CDH6: variants seen among roughly 807,000 people sequenced by gnomAD.
The protein encoded by CDH6 is cadherin-6.
Under a neutral mutation model 78.0 loss-of-function variants are expected in CDH6, and 31 were observed. The ratio of observed to expected loss-of-function variants is 0.40; its 90% CI spans 0.30 to 0.54. The LOEUF is 0.54. Ranked by LOEUF, CDH6 falls within the 20% of genes least tolerant of loss-of-function variation. The pLI is 0.56. For missense variants in CDH6, 724 were observed against 975.9 expected (o/e 0.74, Z 3.44); for synonymous variants, 376 against 368.8 (o/e 1.02, Z -0.23).
intron 1 of CDH6, among the ~76,000 whole-genome samples, chr5:31,229,950 T>C (rs1401287611): frequency 6.6e-6 from 1 of 152,206 alleles, no homozygotes; most frequent in African/African-American, 2.4e-5. Flanking sequence ...TAGTGTCATC[T>C]GTTTCATAAT....
At chr5:31,311,677 G>A (rs925432379) in intron 7 of CDH6, among the ~76,000 whole-genome samples, 1 of 152,178 alleles carries the variant, frequency 6.6e-6, no homozygotes, top group Non-Finnish European at 1.5e-5. Context: ...GTGGCTAGGA[G>A]GCTGCAGAAA....
At chr5:31,235,562 C>G (rs1675603594) in intron 1 of CDH6, among the ~76,000 whole-genome samples, 1 of 152,174 alleles carries the variant, frequency 6.6e-6, no homozygotes, top group Non-Finnish European at 1.5e-5. Flanking sequence ...CAGCTACTGA[C>G]CACGTGGCAG....
chr5:31,245,226 A>G (rs998014158), intron 1 of CDH6, among the ~76,000 whole-genome samples: 2 of 152,236 alleles, frequency 1.3e-5, no homozygotes, highest in African/African-American at 4.8e-5. Flanking sequence ...CAACTAAGGA[A>G]GGCCTAAAAT....
At chr5:31,255,288 T>G (rs1398101213) in intron 1 of CDH6, among the ~76,000 whole-genome samples, 1 of 152,244 alleles carries the variant, frequency 6.6e-6, no homozygotes, top group African/African-American at 2.4e-5. Flanking sequence ...GACGGTGCCG[T>G]CGTTAAATTA....
intron 2 of CDH6, 126 bp downstream of exon 2, chr5:31,267,827 C>T: frequency 1.8e-6 from 1 of 543,424 alleles, no homozygotes; most frequent in South Asian, 2.6e-5. Flanking sequence ...ACTGGTAAGA[C>T]TTTTTTTTTT....
chr5:31,199,523 C>G (rs371110006), intron 1 of CDH6, among the ~76,000 whole-genome samples: 1 of 78,102 alleles, frequency 1.3e-5, no homozygotes, highest in Non-Finnish European at 3.0e-5. Flanking sequence ...TGTACACACA[C>G]ATATGTGTAT....
intron 2 of CDH6, among the ~76,000 whole-genome samples, chr5:31,268,949 C>G (rs1260252423): frequency 6.6e-6 from 1 of 152,166 alleles, no homozygotes; most frequent in African/African-American, 2.4e-5. Context: ...AACGTCAACA[C>G]AGATCCCCAA....
chr5:31,246,882 G>A (rs1741763516), intron 1 of CDH6, among the ~76,000 whole-genome samples: 1 of 152,100 alleles, frequency 6.6e-6, no homozygotes, highest in South Asian at 2.1e-4. Context: ...AGCCTACCAG[G>A]TAGCTTACTG....
chr5:31,204,152 T>C (rs1362277782), intron 1 of CDH6, among the ~76,000 whole-genome samples: 1 of 152,264 alleles, frequency 6.6e-6, no homozygotes, highest in South Asian at 2.1e-4. Context: ...TTTTGTCTGA[T>C]ACTTTTTTTC....
chr5:31,287,822 T>A (rs1743049792), intron 2 of CDH6, among the ~76,000 whole-genome samples: 1 of 152,238 alleles, frequency 6.6e-6, no homozygotes, highest in South Asian at 2.1e-4. Context: ...TCCCAGGTAA[T>A]GCCAATGTGG....
At position 31,317,741 on chromosome 5, in the gene CDH6, C is replaced by G; in HGVS notation, c.1699C>G (p.Pro567Ala). ...NRHEMSTYLL[P>A]VVISDNDYPV... is the part of the protein sequence containing the mutation. ...ACACGAGATGAGCACCTATCTCTTGCCTGTGGTCATTTCAGACAACGACTA... is the reference window on the plus strand; with the variant it reads ...ACACGAGATGAGCACCTATCTCTTGGCTGTGGTCATTTCAGACAACGACTA... The change falls in exon 11 of 12, where the codon CCT (proline) becomes GCT (alanine). Residue 567 changes from proline to alanine, a missense_variant. Physicochemically the swap from Pro to Ala is conservative, Grantham distance 27. Around this residue, in one of 3 missense-constraint regions of CDH6, gnomAD observed 446 missense variants for 684.5 expected, o/e 0.65. Transcript: ENST00000265071. 1 of 1,614,166 alleles carries G rather than the reference C, an allele frequency of 6.2e-7. No homozygotes were observed. Among genetic ancestry groups the G allele is most frequent in the Non-Finnish European group, 8.5e-7 (1 of 1,180,010 alleles).
At chr5:31,293,232 T>C (rs1220667762) in intron 2 of CDH6, among the ~76,000 whole-genome samples, 1 of 152,090 alleles carries the variant, frequency 6.6e-6, no homozygotes, top group Non-Finnish European at 1.5e-5. Flanking sequence ...GAAGGTCCTT[T>C]CCTATCTTAT....
In CDH6 at chr5:31,258,877, C is replaced by T. The variant is rs200636906; in HGVS notation, c.-128-8469C>T. Among the ~76,000 whole-genome samples, 14 of 152,284 alleles carry T rather than the reference C, an allele frequency of 9.2e-5. No homozygotes were observed. The East Asian group carries it at 2.7e-3, about 29-fold the overall frequency. ...TGAGCACTTGTCATGTGGGCAGCAG[C>T]CTGGCACACACCCCCTTAGAGTGCA... On this transcript the variant is annotated intron_variant, in intron 1 of 11. Transcript: ENST00000265071.
In CDH6 at chr5:31,292,822, CAT is replaced by C. The variant is rs1160180405; in HGVS notation, c.229-1117_229-1116del. Among the ~76,000 whole-genome samples the C allele has an allele frequency of 9.6e-3, 479 of 49,940 alleles. 6 individuals are homozygous for C. The highest frequency in any genetic ancestry group is 0.043 in the African/African-American group (434 of 10,018). 32.8% of individuals were successfully genotyped at this position (49,940 alleles called of 152,430 possible). On this transcript the variant is annotated intron_variant, in intron 2 of 11. Coordinates refer to ENST00000265071, the MANE Select transcript of CDH6 (RefSeq NM_004932.4). ...GTGTGTGCATATATATATATGTGTGCATATATATATATATATATATATATGTG... is the reference window on the plus strand; with the variant it reads ...GTGTGTGCATATATATATATGTGTGCATATATATATATATATATATATGTG...
intron 1 of CDH6, among the ~76,000 whole-genome samples, chr5:31,259,206 T>C (rs1742143374): frequency 6.6e-6 from 1 of 152,216 alleles, no homozygotes; most frequent in African/African-American, 2.4e-5. Flanking sequence ...TCATCCAAAA[T>C]TAATTAAATA....
At position 31,315,997 on chromosome 5, in the gene CDH6, C is replaced by T. The variant is rs546662104; in HGVS notation, c.1391-211C>T. Among the ~76,000 whole-genome samples the T allele has an allele frequency of 7.9e-5, 12 of 152,250 alleles. No individual in the cohort carries two copies. The South Asian group carries it at 8.3e-4, about 11-fold the overall frequency. On this transcript the variant is annotated intron_variant, in intron 8 of 11. Transcript: ENST00000265071. ...TATATCAACACAAGTGGCTTTGTCA[C>T]CCATGTATCTCTAACAGGTGCATCC... is the stretch of plus-strand genomic sequence containing the variant.
intron 1 of CDH6, chr5:31,251,405 A>G (rs1311577560): frequency 1.3e-5 from 2 of 152,258 alleles, no homozygotes; most frequent in Non-Finnish European, 2.9e-5. Flanking sequence ...ACTGGAACCA[A>G]ACCAAACCAG....
At chr5:31,306,690 G>A (rs1738001477) in intron 7 of CDH6, among the ~76,000 whole-genome samples, 1 of 152,152 alleles carries the variant, frequency 6.6e-6, no homozygotes, top group Admixed American at 6.5e-5. Context: ...CAAGGTGCCA[G>A]CCAAGTGCCA....
At chr5:31,206,790 G>T (rs1444448349) in intron 1 of CDH6, among the ~76,000 whole-genome samples, 2 of 152,082 alleles carry the variant, frequency 1.3e-5, no homozygotes, top group Non-Finnish European at 2.9e-5. Flanking sequence ...CATTAATACA[G>T]AAATTAGCTT....
Sources: allele counts gnomAD v4.1 joint callset (sites outside exome capture counted in the v4.1 genomes callset), GRCh38; gene constraint gnomAD v4.1.1; regional missense constraint gnomAD v4.1.1; transcripts MANE v1.5; gene names NCBI Gene and HGNC (gene_info 2026-07-23, HGNC 2026-07-21).